Variants in TAFA4 observed in about 807,000 individuals in gnomAD.
TAFA4 encodes the protein chemokine-like protein TAFA-4.
In TAFA4, 20 loss-of-function variants were observed where a neutral mutation model predicts 21.1. The observed-to-expected ratio is 0.95, with a 90% CI of 0.67 to 1.38. The LOEUF (loss-of-function observed/expected upper bound fraction) is 1.38, where lower values mean the gene tolerates loss of function less well. Ranked by LOEUF, TAFA4 falls within the 40% of genes most tolerant of loss-of-function variation. The probability of loss-of-function intolerance (pLI) is 0.00; values close to 1 mark genes in which losing one functional copy is unlikely to be tolerated. For missense variants in TAFA4, 211 were observed against 180.9 expected (o/e 1.17, Z -0.95); for synonymous variants, 71 against 67.4 (o/e 1.05, Z -0.26).
At chr3:68,907,619 G>T (rs891778091) in intron 1 of TAFA4, among the ~76,000 whole-genome samples, 1 of 152,114 alleles carries the variant, frequency 6.6e-6, no homozygotes, top group Non-Finnish European at 1.5e-5. Flanking sequence ...TTCCATACAG[G>T]GGAGAGGGGA....
intron 3 of TAFA4, among the ~76,000 whole-genome samples, chr3:68,803,797 C>CTTGTTTTTTTTT (rs1703626483): frequency 1.2e-5 from 1 of 81,592 alleles, no homozygotes. Context: ...ATCTCTGATT[C>CTTGTTTTTTTTT]TTTTTTTTTT....
At chr3:68,801,061 C>T (rs13322629) in intron 3 of TAFA4, among the ~76,000 whole-genome samples, 63,747 of 152,018 alleles carry the variant, frequency 0.42, 13,741 homozygotes, top group Non-Finnish European at 0.46. Flanking sequence ...CATTAACTTG[C>T]ATGACTCCCT....
At chr3:68,742,072 A>G (rs1005981027) in intron 4 of TAFA4, among the ~76,000 whole-genome samples, 1 of 152,234 alleles carries the variant, frequency 6.6e-6, no homozygotes, top group Non-Finnish European at 1.5e-5. Context: ...TGCTTAATCA[A>G]TAAATGTGAT....
intron 3 of TAFA4, among the ~76,000 whole-genome samples, chr3:68,879,933 C>G (rs1450847981): frequency 6.6e-6 from 1 of 152,138 alleles, no homozygotes; most frequent in Admixed American, 6.5e-5. Flanking sequence ...ATTACCAAAG[C>G]TGAGAGAGTA....
At chr3:68,881,400 A>G (rs1393483192) in intron 2 of TAFA4, among the ~76,000 whole-genome samples, 1 of 152,208 alleles carries the variant, frequency 6.6e-6, no homozygotes, top group Non-Finnish European at 1.5e-5. Context: ...TTAACTTCGT[A>G]TGATGGACAG....
intron 5 of TAFA4, among the ~76,000 whole-genome samples, chr3:68,733,740 T>TG (rs1702193259): frequency 1.3e-5 from 2 of 151,974 alleles, no homozygotes; most frequent in Admixed American, 6.6e-5. Context: ...CCAGCACAGG[T>TG]GGAAAAAAAA....
rs145158071 is a variant in TAFA4 at position 68,925,739 on chromosome 3, T to C, written c.-123+6501A>G. 6.9e-4 allele frequency among the ~76,000 whole-genome samples: 105 copies of C among 152,364 alleles called. 1 individual carries two copies. The highest frequency in any genetic ancestry group is 2.5e-3 in the African/African-American group (103 of 41,586). On this transcript the variant is annotated intron_variant, in intron 1 of 5. Transcript: ENST00000295569. ...TGACATATAGCTCTCTTCACTGATTTGTCATCTTTCCTGGAATCACTCCAG... is the reference window on the plus strand; with the variant it reads ...TGACATATAGCTCTCTTCACTGATTCGTCATCTTTCCTGGAATCACTCCAG...
chr3:68,845,649 G>A (rs910502023), intron 3 of TAFA4, among the ~76,000 whole-genome samples: 1 of 152,156 alleles, frequency 6.6e-6, no homozygotes, highest in African/African-American at 2.4e-5. Flanking sequence ...TTATGCAGCG[G>A]CTGGTACCAG....
chr3:68,823,719 T>C (rs1704164029), intron 3 of TAFA4, among the ~76,000 whole-genome samples: 1 of 152,218 alleles, frequency 6.6e-6, no homozygotes, highest in African/African-American at 2.4e-5. Flanking sequence ...TTTCTGTTCC[T>C]GTGTTAGTTT....
chr3:68,824,807 T>A (rs987940224), intron 3 of TAFA4, among the ~76,000 whole-genome samples: 3 of 152,190 alleles, frequency 2.0e-5, no homozygotes, highest in Admixed American at 2.0e-4. Flanking sequence ...GAACTAGGAT[T>A]CAGTCATTTT....
intron 3 of TAFA4, among the ~76,000 whole-genome samples, chr3:68,878,805 T>C (rs1468659422): frequency 6.6e-6 from 1 of 152,218 alleles, no homozygotes; most frequent in East Asian, 1.9e-4. Context: ...TGGAAATGTA[T>C]TAATGCCATT....
chr3:68,831,021 T>G (rs1393235359), intron 3 of TAFA4, among the ~76,000 whole-genome samples: 1 of 152,216 alleles, frequency 6.6e-6, no homozygotes, highest in Non-Finnish European at 1.5e-5. Flanking sequence ...CCCTGTTTTT[T>G]TCTGCTTTCC....
intron 3 of TAFA4, among the ~76,000 whole-genome samples, chr3:68,818,466 G>GT (rs1157144762): frequency 6.6e-6 from 1 of 152,192 alleles, no homozygotes; most frequent in Non-Finnish European, 1.5e-5. Flanking sequence ...CAACTTCACT[G>GT]TTTGGTGCAA....
chr3:68,837,558 GC>G (rs544910584), intron 3 of TAFA4, among the ~76,000 whole-genome samples: 1 of 151,988 alleles, frequency 6.6e-6, no homozygotes, highest in South Asian at 2.1e-4. Context: ...CCTGGCACCC[GC>G]CCCCCACTCC....
rs774084488 is a variant in TAFA4 at position 68,752,930 on chromosome 3, C to T, written c.219G>A (p.Thr73=). The T allele has an allele frequency of 3.9e-5, 63 of 1,613,908 alleles. 1 individual carries two copies. Among genetic ancestry groups the T allele is most frequent in the South Asian group, 3.4e-4 (31 of 91,070 alleles). The change falls in exon 4 of 6, where the codon ACG becomes ACA. Residue 73 remains threonine (T), a synonymous_variant. Coordinates refer to ENST00000295569, the MANE Select transcript of TAFA4 (RefSeq NM_182522.5). ...GTCCCGGGAAGCAAGAGCACTTGAC[C>T]GTTTGTGACCGCTCTTCTATGCGGT... The part of the protein sequence containing the change: ...NKNRIEERSQ[T]VKCSCFPGQV...
chr3:68,787,415 G>A (rs1403482472), intron 3 of TAFA4, among the ~76,000 whole-genome samples: 1 of 152,142 alleles, frequency 6.6e-6, no homozygotes, highest in East Asian at 1.9e-4. Context: ...AAAGAGAGGG[G>A]AGATAAGGAG....
intron 3 of TAFA4, among the ~76,000 whole-genome samples, chr3:68,818,770 T>C (rs1188965399): frequency 6.6e-6 from 1 of 152,184 alleles, no homozygotes; most frequent in African/African-American, 2.4e-5. Flanking sequence ...CAGTGCATGG[T>C]GTACCCCAAA....
chr3:68,895,878 C>T (rs1383857481), intron 1 of TAFA4, among the ~76,000 whole-genome samples: 1 of 152,108 alleles, frequency 6.6e-6, no homozygotes, highest in African/African-American at 2.4e-5. Context: ...CAAAAGTGAA[C>T]AATGTGATGG....
chr3:68,862,134 A>G (rs2089352839), intron 3 of TAFA4, among the ~76,000 whole-genome samples: 1 of 152,038 alleles, frequency 6.6e-6, no homozygotes, highest in African/African-American at 2.4e-5. Flanking sequence ...TTTTCTGATG[A>G]TGCCACTAGA....
Sources: gnomAD v4.1 joint callset for allele counts (sites outside exome capture counted in the v4.1 genomes callset) on GRCh38, gnomAD v4.1.1 for gene constraint, MANE v1.5 for transcripts, NCBI Gene and HGNC (gene_info 2026-07-23, HGNC 2026-07-21) for gene names.